PHF19: variants seen among roughly 807,000 people sequenced by gnomAD.
PHF19 encodes polycomb like 3.
PHF19 carries 21 observed loss-of-function variants against 79.8 expected under a neutral mutation model. The ratio of observed to expected loss-of-function variants is 0.26; its 90% CI spans 0.19 to 0.38. The LOEUF (loss-of-function observed/expected upper bound fraction) is 0.38. Among genes scored for constraint, PHF19 ranks in the 10% least tolerant of loss-of-function variants. PHF19 has a pLI of 1.00. For missense variants in PHF19, 445 were observed against 744.2 expected, an observed-to-expected ratio of 0.60 and a Z score of 4.68; for synonymous variants, 273 against 296.3, an observed-to-expected ratio of 0.92 and a Z score of 0.81.
the PHF19 span, chr9:120,903,573 G>A: frequency 6.5e-6 from 1 of 152,680 alleles, no homozygotes; most frequent in East Asian, 1.9e-4. Flanking sequence ...GGTGGAGGAA[G>A]AGTAAGCTGT....
rs1588092567 is a variant in PHF19, at chr9:120,862,028, A to C, written c.1131-23T>G. 6.3e-7 allele frequency: 1 copy of C among 1,587,588 alleles called. No homozygotes were observed. Among genetic ancestry groups the C allele is most frequent in the East Asian group, 2.2e-5 (1 of 44,728 alleles). ...AAACTGTGGAGACAGAAGAGGGAGA[A>C]GGTGGCCCCGTCAGAGCCTGAGGGC... On this transcript the variant is annotated intron_variant, in intron 11 of 14. Transcript: ENST00000373896. The surrounding 1 kb of genome is among the most constrained non-coding windows in gnomAD (Gnocchi z 4.6).
intron 1 of PHF19, 155 bp downstream of exon 1, chr9:120,876,936 C>T (rs1201194105): frequency 4.1e-6 from 4 of 979,952 alleles, no homozygotes; most frequent in East Asian, 1.1e-4. Flanking sequence ...GTAACCTGCA[C>T]CCCCGGTCCC....
At chr9:120,872,515 T>C (rs2045932776) in intron 3 of PHF19, among the ~76,000 whole-genome samples, 1 of 152,198 alleles carries the variant, frequency 6.6e-6, no homozygotes, top group African/African-American at 2.4e-5. Flanking sequence ...TTTGGATATT[T>C]ATATAATACT....
At chr9:120,890,314 G>A (rs976674200) in intron 1 of PHF19, among the ~76,000 whole-genome samples, 2 of 116,874 alleles carry the variant, frequency 1.7e-5, no homozygotes, top group African/African-American at 7.5e-5. Flanking sequence ...CGCTTTTGAC[G>A]TTTTCATTTT....
rs1343984101 is a variant in PHF19 at position 120,862,208 on chromosome 9, G to A, written c.1131-203C>T. Among the ~76,000 whole-genome samples, 2 of 152,170 alleles carry A rather than the reference G, an allele frequency of 1.3e-5. No homozygotes were observed. Among genetic ancestry groups the A allele is most frequent in the East Asian group, 1.9e-4 (1 of 5,194 alleles). The stretch of plus-strand genomic sequence containing the variant: ...TGGGAAGGTGTGGAGAAGGTATAGT[G>A]GGCAGAAAAAGAAAAGGTGCCTCCC... On this transcript the variant is annotated intron_variant, in intron 11 of 14. Coordinates refer to ENST00000373896, the MANE Select transcript of PHF19 (RefSeq NM_015651.3). This position sits in a 1 kb window ranked among gnomAD's most constrained non-coding sequence, Gnocchi z 4.6.
chr9:120,898,406 C>A (rs911118130), upstream of PHF19, among the ~76,000 whole-genome samples: 1 of 152,252 alleles, frequency 6.6e-6, no homozygotes, highest in Non-Finnish European at 1.5e-5. Context: ...CATGAGCCAC[C>A]GCCTCCGGCC....
chr9:120,863,962 G>C lies in PHF19; in HGVS notation c.968+87C>G. On this transcript the variant is annotated intron_variant, in intron 10 of 14. Coordinates refer to ENST00000373896, the MANE Select transcript of PHF19 (RefSeq NM_015651.3). ...AGAAGGGGAGTATCAGAGAGGCAGGGAGCATAGCCTGAGCAAAGGCTATGA... is the reference window on the plus strand; with the variant it reads ...AGAAGGGGAGTATCAGAGAGGCAGGCAGCATAGCCTGAGCAAAGGCTATGA... 2.9e-6 allele frequency: 3 copies of C among 1,049,332 alleles called. No individual in the cohort carries two copies. The South Asian group carries it at 4.1e-5, about 14-fold the overall frequency. The allele number at this position is 1,049,332 out of a possible 1,614,324, so 65.0% of individuals were successfully genotyped here. A position where few individuals can be genotyped will look rare whatever the true frequency, so the allele number is the denominator to read the frequency against.
At chr9:120,863,324 C>T (rs1044221086) in intron 10 of PHF19, among the ~76,000 whole-genome samples, 7 of 151,720 alleles carry the variant, frequency 4.6e-5, no homozygotes, top group South Asian at 2.1e-4. Flanking sequence ...ATAATTCTAC[C>T]CAGAGGTGTC....
chr9:120,872,360 T>C (rs1464167633), intron 3 of PHF19, among the ~76,000 whole-genome samples: 1 of 152,242 alleles, frequency 6.6e-6, no homozygotes, highest in Admixed American at 6.5e-5. Context: ...GACAAGCCAC[T>C]CTTCAGCTGA....
At chr9:120,895,642 C>T (rs949200536), upstream of PHF19, among the ~76,000 whole-genome samples, 3 of 151,806 alleles carry the variant, frequency 2.0e-5, no homozygotes, top group Non-Finnish European at 2.9e-5. Flanking sequence ...TTTCATGTTG[C>T]GTTTATCTAA....
At chr9:120,898,406 C>T (rs911118130), upstream of PHF19, among the ~76,000 whole-genome samples, 2 of 152,252 alleles carry the variant, frequency 1.3e-5, no homozygotes, top group Non-Finnish European at 2.9e-5. Context: ...CATGAGCCAC[C>T]GCCTCCGGCC....
upstream of PHF19, among the ~76,000 whole-genome samples, chr9:120,899,620 C>CT (rs1477888249): frequency 6.6e-6 from 1 of 152,198 alleles, no homozygotes; most frequent in Non-Finnish European, 1.5e-5. Context: ...AATTTTCACT[C>CT]TCATGGCAGA....
chr9:120,861,394 C>T (rs2045520701), intron 12 of PHF19, among the ~76,000 whole-genome samples: 1 of 152,228 alleles, frequency 6.6e-6, no homozygotes, highest in Non-Finnish European at 1.5e-5. Flanking sequence ...GTCTCTGGAC[C>T]TCAGTTACTT....
At chr9:120,858,558 G>A (rs893321955) in intron 14 of PHF19, among the ~76,000 whole-genome samples, 1 of 152,140 alleles carries the variant, frequency 6.6e-6, no homozygotes, top group African/African-American at 2.4e-5. Context: ...AACCAGGTAG[G>A]GAGTGGCAGA....
chr9:120,902,924 C>T, the PHF19 span: 3 of 152,218 alleles, frequency 2.0e-5, no homozygotes, highest in East Asian at 5.8e-4. Context: ...ATGGCTGCAT[C>T]TCATGCTCTT....
At position 120,860,150 on chromosome 9, in the gene PHF19, TCGA is replaced by T. The variant is rs756096902; in HGVS notation, c.1337_1339del (p.Val446del). 6 of 1,598,516 alleles carry T rather than the reference TCGA, an allele frequency of 3.8e-6. No homozygotes were observed. The South Asian group carries it at 6.8e-5, about 18-fold the overall frequency. ...AGAGGTGCTGGCAGCGTCGGTGGAG[TCGA>T]CATCTGAGAAGAAGGTCTGGCCTGA... On this transcript the variant is annotated inframe_deletion, in exon 14 of 15. Coordinates refer to ENST00000373896, the MANE Select transcript of PHF19 (RefSeq NM_015651.3). The surrounding 1 kb of genome is among the most constrained non-coding windows in gnomAD (Gnocchi z 4.1).
Position 120,860,312 on chromosome 9 carries a change from T to A in PHF19, c.1305-127A>T. 1.6e-6 allele frequency: 1 copy of A among 644,128 alleles called. No individual in the cohort carries two copies. The highest frequency in any genetic ancestry group is 2.9e-6 in the Non-Finnish European group (1 of 349,862). The allele number at this position is 644,128 out of a possible 1,614,324, so 39.9% of individuals were successfully genotyped here. Reference sequence around the variant, plus strand: ...AGGCCCGTCTTCCCACAGCTGAGCTTCCCACCACCACACCTGTCTGTTTCC... The same window carrying A: ...AGGCCCGTCTTCCCACAGCTGAGCTACCCACCACCACACCTGTCTGTTTCC... On this transcript the variant is annotated intron_variant, in intron 13 of 14. Transcript: ENST00000373896. The surrounding 1 kb of genome is among the most constrained non-coding windows in gnomAD (Gnocchi z 4.1).
rs2045995767 is a variant in PHF19 at position 120,874,655 on chromosome 9, G to A, written c.87C>T (p.Val29=). The change falls in exon 2 of 15, where the codon GTC becomes GTT. Residue 29 remains valine, a synonymous_variant. Transcript: ENST00000373896. The surrounding 1 kb of genome is among the most constrained non-coding windows in gnomAD (Gnocchi z 4.5). ...ACATCAAGTCTTTGAAGTTGTTCTT[G>A]ACCTTCGCCAGGGCCCCCTTGTTGG... The part of the protein sequence containing the change: ...HLPNKGALAK[V]KNNFKDLMSK... 1.2e-6 allele frequency: 2 copies of A among 1,613,756 alleles called. No homozygotes were observed. Among genetic ancestry groups the A allele is most frequent in the South Asian group, 1.1e-5 (1 of 91,072 alleles).
At chr9:120,871,532 C>T (rs2045893561) in intron 3 of PHF19, among the ~76,000 whole-genome samples, 1 of 152,142 alleles carries the variant, frequency 6.6e-6, no homozygotes, top group Non-Finnish European at 1.5e-5. Flanking sequence ...TCAAAGTCCC[C>T]AAGTAAAGTC....
Sources: gnomAD v4.1 joint callset for allele counts (sites outside exome capture counted in the v4.1 genomes callset) on GRCh38, gnomAD v4.1.1 for gene constraint, Gnocchi (gnomAD v3.1) non-coding constraint, MANE v1.5 for transcripts, NCBI Gene and HGNC (gene_info 2026-07-23, HGNC 2026-07-21) for gene names.